SH2D4A: variants seen among roughly 807,000 people sequenced by gnomAD.
The protein encoded by SH2D4A is SH2 domain-containing protein 4A.
A neutral mutation model predicts 64.7 loss-of-function variants in SH2D4A; 70 were observed. The ratio of observed to expected loss-of-function variants is 1.08; its 90% CI spans 0.89 to 1.32. The LOEUF (loss-of-function observed/expected upper bound fraction) is 1.32. Ranked by LOEUF, SH2D4A falls within the 40% of genes most tolerant of loss-of-function variation. The probability of loss-of-function intolerance (pLI) is 0.00; values close to 1 mark genes in which losing one functional copy is unlikely to be tolerated. For synonymous variants in SH2D4A, 268 were observed against 200.7 expected, an observed-to-expected ratio of 1.34 and a Z score of -2.83; for missense variants, 706 against 540.1, an observed-to-expected ratio of 1.31 and a Z score of -3.04.
rs544916842 is a variant in SH2D4A at position 19,316,867 on chromosome 8, C to T, written c.-204-2477C>T. Among the ~76,000 whole-genome samples the T allele has an allele frequency of 2.6e-5, 4 of 152,298 alleles. No homozygotes were observed. The South Asian group carries it at 8.3e-4, about 32-fold the overall frequency. The stretch of plus-strand genomic sequence containing the variant: ...TCTGTGAGATGGGCATAGTGATGGG[C>T]TGGACTCCAAGGGTTATTGTGAAGA... On this transcript the variant is annotated intron_variant, in intron 1 of 9. Coordinates refer to ENST00000265807, the MANE Select transcript of SH2D4A (RefSeq NM_022071.4).
At chr8:19,338,652 G>T (rs1012560444) in intron 4 of SH2D4A, among the ~76,000 whole-genome samples, 2 of 152,226 alleles carry the variant, frequency 1.3e-5, no homozygotes, top group African/African-American at 4.8e-5. Context: ...GAAGTTGGAA[G>T]AGGCAAGGAA....
intron 8 of SH2D4A, among the ~76,000 whole-genome samples, chr8:19,391,794 C>G (rs893629782): frequency 1.3e-5 from 2 of 152,198 alleles, no homozygotes; most frequent in African/African-American, 4.8e-5. Flanking sequence ...GGAGAGAGTT[C>G]ACTTCTCAAT....
chr8:19,343,442 A>G (rs920736104), intron 4 of SH2D4A, among the ~76,000 whole-genome samples: 70 of 152,162 alleles, frequency 4.6e-4, no homozygotes, highest in African/African-American at 1.6e-3. Flanking sequence ...CCAACAAACA[A>G]AAACTGGGAT....
intron 2 of SH2D4A, among the ~76,000 whole-genome samples, chr8:19,323,925 G>C (rs2117183580): frequency 6.6e-6 from 1 of 152,278 alleles, no homozygotes; most frequent in East Asian, 1.9e-4. Flanking sequence ...AACTTGGCCA[G>C]GGCAAACAGT....
At chr8:19,342,171 T>C (rs2052539646) in intron 4 of SH2D4A, among the ~76,000 whole-genome samples, 1 of 152,196 alleles carries the variant, frequency 6.6e-6, no homozygotes, top group Admixed American at 6.5e-5. Flanking sequence ...GAGTATTCAG[T>C]CTTATACACA....
At chr8:19,314,723 G>T (rs907062203) in intron 1 of SH2D4A, among the ~76,000 whole-genome samples, 10 of 152,270 alleles carry the variant, frequency 6.6e-5, no homozygotes, top group African/African-American at 2.4e-4. Flanking sequence ...TTAAAATAGT[G>T]AATAAATAAG....
intron 1 of SH2D4A, among the ~76,000 whole-genome samples, chr8:19,317,866 A>T (rs979779870): frequency 6.6e-6 from 1 of 152,142 alleles, no homozygotes; most frequent in African/African-American, 2.4e-5. Context: ...TTGAGGTGTT[A>T]TTATAAATAA....
intron 2 of SH2D4A, among the ~76,000 whole-genome samples, chr8:19,320,238 T>G (rs1380175768): frequency 6.6e-6 from 1 of 152,180 alleles, no homozygotes; most frequent in Admixed American, 6.5e-5. Flanking sequence ...GTGAATGAGT[T>G]TCTCAGATGT....
At chr8:19,318,340 A>G (rs1385557035) in intron 1 of SH2D4A, among the ~76,000 whole-genome samples, 2 of 152,228 alleles carry the variant, frequency 1.3e-5, no homozygotes, top group Admixed American at 1.3e-4. Flanking sequence ...CTGATTACAA[A>G]AGTATGATGG....
At chr8:19,326,381 C>A (rs1585147481) in intron 2 of SH2D4A, among the ~76,000 whole-genome samples, 4 of 152,270 alleles carry the variant, frequency 2.6e-5, no homozygotes, top group Admixed American at 1.3e-4. Context: ...GAAGGAAGAT[C>A]CACTTGGGAC....
At chr8:19,375,578 G>A in intron 8 of SH2D4A, 1 of 152,412 alleles carries the variant, frequency 6.6e-6, no homozygotes. Context: ...TGGCTTTTGT[G>A]GCTGGGAGGA....
intron 4 of SH2D4A, among the ~76,000 whole-genome samples, chr8:19,338,636 C>T (rs1016045144): frequency 1.3e-5 from 2 of 152,186 alleles, no homozygotes; most frequent in African/African-American, 2.4e-5. Context: ...ATGGAGGCAG[C>T]TTCTAGAAGT....
Position 19,319,577 on chromosome 8 carries a change from C to T in SH2D4A, c.30C>T (p.Tyr10=), listed in dbSNP as rs765962942. ...TGAAACAGATACTGTCGGAGATGTA[C>T]ATAGATCCTGATCTACTGGCAGAGC... The part of the protein sequence containing the change: MLKQILSEM[Y]IDPDLLAELS... Residue 10 remains tyrosine, a synonymous_variant, in exon 2 of 10, where the codon TAC becomes TAT. Coordinates refer to ENST00000265807, the MANE Select transcript of SH2D4A (RefSeq NM_022071.4). The T allele has an allele frequency of 1.6e-5, 26 of 1,594,914 alleles. No individual in the cohort carries two copies. Among genetic ancestry groups the T allele is most frequent in the Non-Finnish European group, 2.1e-5 (25 of 1,172,752 alleles).
rs531012661 is a variant in SH2D4A, at chr8:19,361,160, G to A, written c.595-43G>A. 9.0e-5 allele frequency: 113 copies of A among 1,259,760 alleles called. No individual in the cohort carries two copies. The South Asian group carries it at 1.5e-3, about 16-fold the overall frequency. 78.0% of individuals were successfully genotyped at this position (1,259,760 alleles called of 1,614,324 possible). On this transcript the variant is annotated intron_variant, in intron 5 of 9. Transcript: ENST00000265807. ...ATTTGCTCACCAAGGTTCTTTTTTT[G>A]TTTTGTTTTGTTTTTGTTTTTTTTT...
At chr8:19,382,674 G>A (rs1485649926) in intron 8 of SH2D4A, among the ~76,000 whole-genome samples, 3 of 152,016 alleles carry the variant, frequency 2.0e-5, no homozygotes, top group African/African-American at 7.2e-5. Context: ...AGGATGTACT[G>A]CCATCATAAG....
chr8:19,371,031 T>C (rs1350336674), intron 7 of SH2D4A, among the ~76,000 whole-genome samples: 1 of 152,150 alleles, frequency 6.6e-6, no homozygotes, highest in Non-Finnish European at 1.5e-5. Flanking sequence ...GCATTTTGTA[T>C]TTTTGAGTGA....
intron 1 of SH2D4A, among the ~76,000 whole-genome samples, chr8:19,318,564 G>T (rs938157480): frequency 6.6e-6 from 1 of 152,114 alleles, no homozygotes; most frequent in Non-Finnish European, 1.5e-5. Flanking sequence ...ATAAATGAAG[G>T]ATCCTTTGTT....
chr8:19,341,844 CAA>C (rs35856719), intron 4 of SH2D4A, among the ~76,000 whole-genome samples: 4 of 83,306 alleles, frequency 4.8e-5, no homozygotes, highest in Non-Finnish European at 7.9e-5. Flanking sequence ...CTTGTCTTAA[CAA>C]AAAAAAAAAA....
rs1489628596 is a variant in SH2D4A, at chr8:19,333,457, C to T, written c.341+343C>T. ...TGAGTTCCCCAGTGATCACCCGTGG[C>T]TGCACTAGAGTCATGTTAGAGCAAT... On this transcript the variant is annotated intron_variant, in intron 3 of 9. Transcript: ENST00000265807. Among the ~76,000 whole-genome samples the T allele has an allele frequency of 3.3e-5, 5 of 152,140 alleles. No homozygotes were observed. In the South Asian group the frequency reaches 1.0e-3, roughly 32 times the overall value.
Sources: gnomAD v4.1 joint callset for allele counts (sites outside exome capture counted in the v4.1 genomes callset) on GRCh38, gnomAD v4.1.1 for gene constraint, MANE v1.5 for transcripts, NCBI Gene and HGNC (gene_info 2026-07-23, HGNC 2026-07-21) for gene names.